Variants in BCL2L1 observed in about 807,000 individuals in gnomAD.
BCL2L1 encodes BCL2 like 1, also known as bcl-2-like protein 1.
BCL2L1 carries 1 observed loss-of-function variant against 18.7 expected under a neutral mutation model. That is an observed-to-expected ratio of 0.05 (90% CI 0.02 to 0.25). The LOEUF (loss-of-function observed/expected upper bound fraction) is 0.25, where lower values mean the gene tolerates loss of function less well. Ranked by LOEUF, BCL2L1 falls within the 10% of genes least tolerant of loss-of-function variation. The pLI is 1.00. For missense variants in BCL2L1, 207 were observed against 304.9 expected, an observed-to-expected ratio of 0.68 and a Z score of 2.39; for synonymous variants, 103 against 122.7, an observed-to-expected ratio of 0.84 and a Z score of 1.06.
At chr20:31,681,544 G>C (rs189772062) in intron 2 of BCL2L1, among the ~76,000 whole-genome samples, 1 of 152,352 alleles carries the variant, frequency 6.6e-6, no homozygotes, top group Non-Finnish European at 1.5e-5. Flanking sequence ...CGGAGGCTGA[G>C]GTGGGAGGAC....
chr20:31,699,825 G>C (rs1171834669), intron 2 of BCL2L1, among the ~76,000 whole-genome samples: 1 of 152,194 alleles, frequency 6.6e-6, no homozygotes, highest in Non-Finnish European at 1.5e-5. Flanking sequence ...GGAATTAAAT[G>C]AGAAAATGCA....
intron 2 of BCL2L1, among the ~76,000 whole-genome samples, chr20:31,682,064 T>C (rs1568861595): frequency 1.3e-5 from 2 of 152,186 alleles, no homozygotes; most frequent in Admixed American, 6.5e-5. Context: ...TTGCTTTATA[T>C]TAGGAGAGAA....
At chr20:31,714,285 CT>C (rs2061493985) in intron 2 of BCL2L1, among the ~76,000 whole-genome samples, 1 of 152,286 alleles carries the variant, frequency 6.6e-6, no homozygotes, top group Admixed American at 6.5e-5. Context: ...GGTGAAGTGA[CT>C]TGGCCAAGGT....
intron 2 of BCL2L1, among the ~76,000 whole-genome samples, chr20:31,689,144 G>A (rs980600431): frequency 1.4e-5 from 2 of 147,798 alleles, no homozygotes; most frequent in African/African-American, 2.5e-5. Context: ...TTGGGAAGCC[G>A]AGGCAGGAGG....
intron 2 of BCL2L1, among the ~76,000 whole-genome samples, chr20:31,701,421 T>G (rs111430715): frequency 3.3e-4 from 51 of 152,356 alleles, no homozygotes; most frequent in Admixed American, 1.4e-3. Flanking sequence ...AAGAATGGCA[T>G]AAAAACTGCT....
At chr20:31,713,952 T>C (rs896638046) in intron 2 of BCL2L1, among the ~76,000 whole-genome samples, 2 of 152,210 alleles carry the variant, frequency 1.3e-5, no homozygotes, top group Non-Finnish European at 2.9e-5. Flanking sequence ...GGAGATGTCA[T>C]CCTTCCTGCT....
intron 2 of BCL2L1, among the ~76,000 whole-genome samples, chr20:31,673,987 C>G (rs992050264): frequency 6.6e-6 from 1 of 152,150 alleles, no homozygotes; most frequent in Non-Finnish European, 1.5e-5. Flanking sequence ...TTATCAATAG[C>G]CCCATTTTAC....
intron 2 of BCL2L1, among the ~76,000 whole-genome samples, chr20:31,712,670 C>T (rs1490517794): frequency 1.3e-5 from 2 of 152,120 alleles, no homozygotes; most frequent in African/African-American, 4.8e-5. Flanking sequence ...ATATCCCAGT[C>T]CCACTGACCA....
Position 31,720,915 on chromosome 20 carries a change from G to A in BCL2L1, c.564+740C>T, listed in dbSNP as rs1258995567. 4.1e-6 allele frequency: 4 copies of A among 985,282 alleles called. No individual in the cohort carries two copies. In the African/African-American group the frequency reaches 5.2e-5, roughly 13 times the overall value. The allele number at this position is 985,282 out of a possible 1,614,324, so 61.0% of individuals were successfully genotyped here. A position where few individuals can be genotyped will look rare whatever the true frequency, so the allele number is the denominator to read the frequency against. Reference sequence around the variant, plus strand: ...GCAGAGCAGCTGGAGCTCCCCAACCGACCCCAGGCAATGAGGTGCAAAGTC... The same window carrying A: ...GCAGAGCAGCTGGAGCTCCCCAACCAACCCCAGGCAATGAGGTGCAAAGTC... On this transcript the variant is annotated intron_variant, in intron 2 of 2. Coordinates refer to ENST00000307677, the MANE Select transcript of BCL2L1 (RefSeq NM_138578.3).
At chr20:31,667,540 C>T (rs2060606958) in intron 2 of BCL2L1, among the ~76,000 whole-genome samples, 1 of 129,050 alleles carries the variant, frequency 7.7e-6, no homozygotes, top group Admixed American at 7.6e-5. Flanking sequence ...CTGGCTGGTT[C>T]TTGCCTCTCT....
At chr20:31,677,409 C>T (rs771095589) in intron 2 of BCL2L1, among the ~76,000 whole-genome samples, 1 of 152,058 alleles carries the variant, frequency 6.6e-6, no homozygotes, top group Non-Finnish European at 1.5e-5. Flanking sequence ...GTCTCAAACT[C>T]CTGACCTCAA....
intron 2 of BCL2L1, among the ~76,000 whole-genome samples, chr20:31,701,508 C>T (rs1295130377): frequency 7.2e-5 from 11 of 152,142 alleles, no homozygotes; most frequent in Non-Finnish European, 1.6e-4. Flanking sequence ...CCATATTTTC[C>T]TTTCACCCGA....
At chr20:31,698,013 G>A (rs1267422390) in intron 2 of BCL2L1, among the ~76,000 whole-genome samples, 1 of 150,832 alleles carries the variant, frequency 6.6e-6, no homozygotes, top group Non-Finnish European at 1.5e-5. Context: ...TCAGCCTCCT[G>A]AGTAACTGGG....
At chr20:31,713,034 T>G (rs2061476919) in intron 2 of BCL2L1, among the ~76,000 whole-genome samples, 1 of 152,082 alleles carries the variant, frequency 6.6e-6, no homozygotes, top group Non-Finnish European at 1.5e-5. Context: ...TCAAGTTATC[T>G]CTTAAGAATC....
chr20:31,721,775 C>A lies in BCL2L1; in HGVS notation c.444G>T (p.Gly148=), dbSNP rs765234540. 6.2e-7 allele frequency: 1 copy of A among 1,614,024 alleles called. No individual in the cohort carries two copies. Among genetic ancestry groups the A allele is most frequent in the African/African-American group, 1.3e-5 (1 of 74,890 alleles). The change falls in exon 2 of 3, where the codon GGG becomes GGT. Residue 148 remains glycine, a synonymous_variant. Transcript: ENST00000307677. Reference sequence around the variant, plus strand: ...TGTCTACGCTTTCCACGCACAGTGCCCCGCCGAAGGAGAAAAAGGCCACAA... The same window carrying A: ...TGTCTACGCTTTCCACGCACAGTGCACCGCCGAAGGAGAAAAAGGCCACAA... ...GRIVAFFSFG[G]ALCVESVDKE...
chr20:31,722,166 G>A lies in BCL2L1; in HGVS notation c.53C>T (p.Ser18Phe). The change falls in exon 2 of 3, where the codon TCC becomes TTC. Residue 18 changes from serine (S) to phenylalanine (F), a missense_variant. Physicochemically the swap from Ser to Phe is radical, Grantham distance 155. Coordinates refer to ENST00000307677, the MANE Select transcript of BCL2L1 (RefSeq NM_138578.3). Reference protein sequence around the residue: ...LVVDFLSYKLSQKGYSWSQFS... With the variant: ...LVVDFLSYKLFQKGYSWSQFS... Reference sequence around the variant, plus strand: ...CTGACTCCAGCTGTATCCTTTCTGGGAAAGCTTGTAGGAGAGAAAGTCAAC... The same window carrying A: ...CTGACTCCAGCTGTATCCTTTCTGGAAAAGCTTGTAGGAGAGAAAGTCAAC... 1 of 1,503,496 alleles carries A rather than the reference G, an allele frequency of 6.7e-7. No homozygotes were observed. Among genetic ancestry groups the A allele is most frequent in the Non-Finnish European group, 8.8e-7 (1 of 1,132,962 alleles). The allele number at this position is 1,503,496 out of a possible 1,614,324, so 93.1% of individuals were successfully genotyped here. A position where few individuals can be genotyped will look rare whatever the true frequency, so the allele number is the denominator to read the frequency against.
chr20:31,721,609 G>T, intron 2 of BCL2L1, 46 bp downstream of exon 2: 2 of 1,538,588 alleles, frequency 1.3e-6, no homozygotes, highest in South Asian at 1.3e-5. Flanking sequence ...GGGGATCTCT[G>T]ACCAGAGGCC....
chr20:31,721,685 T>C lies in BCL2L1; in HGVS notation c.534A>G (p.Leu178=), dbSNP rs371362273. ...CGCCGTTCTCCTGGATCCAAGGCTC[T>C]AGGTGGTCATTCAGGTAAGTGGCCA... The part of the protein sequence containing the change: ...AWMATYLNDH[L]EPWIQENGGW... The change falls in exon 2 of 3, where the codon CTA becomes CTG. Residue 178 remains leucine (L), a synonymous_variant. Transcript: ENST00000307677. 2.2e-5 allele frequency: 36 copies of C among 1,613,330 alleles called. No homozygotes were observed. In the African/African-American group the frequency reaches 4.4e-4, roughly 20 times the overall value.
intron 2 of BCL2L1, among the ~76,000 whole-genome samples, chr20:31,697,329 C>T (rs550476502): frequency 6.6e-6 from 1 of 152,120 alleles, no homozygotes; most frequent in Admixed American, 6.5e-5. Flanking sequence ...ACTTTGGAGC[C>T]TGGATAGAAT....
Sources: allele counts gnomAD v4.1 joint callset (sites outside exome capture counted in the v4.1 genomes callset), GRCh38; gene constraint gnomAD v4.1.1; transcripts MANE v1.5; gene names NCBI Gene and HGNC (gene_info 2026-07-23, HGNC 2026-07-21).